Variants in CSTL1 observed in about 807,000 individuals in gnomAD.
The protein encoded by CSTL1 is cystatin-like 1.
Under a neutral mutation model 14.4 loss-of-function variants are expected in CSTL1, and 14 were observed. That is an observed-to-expected ratio of 0.97 (90% CI 0.64 to 1.52). The LOEUF (loss-of-function observed/expected upper bound fraction) is 1.52, where lower values mean the gene tolerates loss of function less well. Among genes scored for constraint, CSTL1 ranks in the 40% most tolerant of loss-of-function variants. CSTL1 has a pLI of 0.00. For synonymous variants in CSTL1, 72 were observed against 67.5 expected, an observed-to-expected ratio of 1.07 and a Z score of -0.33; for missense variants, 170 against 168.7, an observed-to-expected ratio of 1.01 and a Z score of -0.04.
At chr20:23,452,555 T>C in the CSTL1 span, 8 of 1,439,526 alleles carry the variant, frequency 5.6e-6, no homozygotes, top group African/African-American at 9.8e-5. Flanking sequence ...GTATCAGGCC[T>C]GGGGAGAGGC....
At chr20:23,441,633 T>C (rs919424824) in intron 2 of CSTL1, among the ~76,000 whole-genome samples, 4 of 152,222 alleles carry the variant, frequency 2.6e-5, no homozygotes, top group African/African-American at 9.7e-5. Flanking sequence ...AAATGCTATG[T>C]AGATAATTAT....
intron 2 of CSTL1, among the ~76,000 whole-genome samples, chr20:23,442,822 G>A (rs1292052021): frequency 1.3e-5 from 2 of 152,200 alleles, no homozygotes; most frequent in Non-Finnish European, 2.9e-5. Flanking sequence ...CAAGGCAACA[G>A]GGAGCTTCCC....
At chr20:23,460,341 G>A in the CSTL1 span, among the ~76,000 whole-genome samples, 4 of 152,200 alleles carry the variant, frequency 2.6e-5, no homozygotes, top group Admixed American at 6.5e-5. Context: ...GCATTCAGAA[G>A]TATCCTTTGT....
chr20:23,457,005 A>C, the CSTL1 span, among the ~76,000 whole-genome samples: 2 of 152,170 alleles, frequency 1.3e-5, no homozygotes, highest in Non-Finnish European at 2.9e-5. Context: ...TTTTGCCCAC[A>C]AGGTAACAAG....
the CSTL1 span, chr20:23,452,639 T>C: frequency 1.2e-6 from 2 of 1,614,144 alleles, no homozygotes; most frequent in Non-Finnish European, 1.7e-6. Flanking sequence ...GTCATCACTT[T>C]CCTTGTTATA....
intron 3 of CSTL1, 58 bp from the exon 4 acceptor site, chr20:23,444,713 T>C (rs1986927323): frequency 8.6e-7 from 1 of 1,162,174 alleles, no homozygotes; most frequent in East Asian, 2.4e-5. Context: ...AACAGGTGCC[T>C]GTTGCTTGCC....
In CSTL1 at chr20:23,444,181, G is replaced by T. The variant is rs558674168; in HGVS notation, c.330+137G>T. The T allele has an allele frequency of 1.3e-5, 9 of 696,932 alleles. No homozygotes were observed. In the South Asian group the frequency reaches 1.4e-4, roughly 11 times the overall value. The allele number at this position is 696,932 out of a possible 1,614,324, so 43.2% of individuals were successfully genotyped here. ...GCCCTGGGGCTGTCTGGCACCTCCTGAGGCACCTGGGTGAAGGAGGGAGGC... is the reference window on the plus strand; with the variant it reads ...GCCCTGGGGCTGTCTGGCACCTCCTTAGGCACCTGGGTGAAGGAGGGAGGC... On this transcript the variant is annotated intron_variant, in intron 3 of 3. Coordinates refer to ENST00000347397, the MANE Select transcript of CSTL1 (RefSeq NM_138283.1).
the CSTL1 span, chr20:23,452,006 C>T: frequency 1.7e-5 from 16 of 925,892 alleles, no homozygotes; most frequent in East Asian, 7.4e-5. Context: ...CGCTACCCCA[C>T]GTCCAAGGGC....
downstream of CSTL1, among the ~76,000 whole-genome samples, chr20:23,449,728 T>C (rs1041796319): frequency 6.6e-6 from 1 of 152,186 alleles, no homozygotes; most frequent in Non-Finnish European, 1.5e-5. Flanking sequence ...TCCTGGCTTC[T>C]CCCTGTCCTC....
At chr20:23,450,741 G>A in the CSTL1 span, 1 of 515,512 alleles carries the variant, frequency 1.9e-6, no homozygotes, top group East Asian at 2.9e-5. Context: ...ACATTTTCTG[G>A]AATGATCCCA....
the CSTL1 span, among the ~76,000 whole-genome samples, chr20:23,453,642 C>A: frequency 6.6e-6 from 1 of 152,104 alleles, no homozygotes; most frequent in Non-Finnish European, 1.5e-5. Flanking sequence ...CGGTTATGTT[C>A]GATTCCTAGA....
the CSTL1 span, among the ~76,000 whole-genome samples, chr20:23,459,869 T>G: frequency 6.6e-6 from 1 of 152,234 alleles, no homozygotes; most frequent in Admixed American, 6.5e-5. Context: ...TCCAGACTCC[T>G]GTAATATCCT....
chr20:23,445,011 T>G, downstream of CSTL1: 1 of 679,588 alleles, frequency 1.5e-6, no homozygotes, highest in Non-Finnish European at 2.7e-6. Flanking sequence ...CACTTGCACA[T>G]ACTTACCTTC....
At chr20:23,450,561 G>A in the CSTL1 span, 1 of 1,610,842 alleles carries the variant, frequency 6.2e-7, no homozygotes, top group Non-Finnish European at 8.5e-7. Context: ...CCAGGGTACA[G>A]CAAACACTGA....
chr20:23,440,738 T>G (rs1986809873), intron 2 of CSTL1: 2 of 578,836 alleles, frequency 3.5e-6, no homozygotes, highest in Admixed American at 2.7e-5. Context: ...GGCAAAAGTG[T>G]TCACTGAGGA....
Position 23,440,000 on chromosome 20 carries a change from G to A in CSTL1, c.-124-144G>A, listed in dbSNP as rs529233831. On this transcript the variant is annotated intron_variant, in intron 1 of 3. Coordinates refer to ENST00000347397, the MANE Select transcript of CSTL1 (RefSeq NM_138283.1). ...CCTGAGACATGTGAAGGCAGGGAGA[G>A]GGGCTTGCACGCCTTAGCAGGTGTT... 7.6e-4 allele frequency: 354 copies of A among 468,032 alleles called. 3 individuals carry two copies. Among genetic ancestry groups the A allele is most frequent in the South Asian group, 7.5e-3 (338 of 44,792 alleles). The allele number at this position is 468,032 out of a possible 1,614,324, so 29.0% of individuals were successfully genotyped here. A position where few individuals can be genotyped will look rare whatever the true frequency, so the allele number is the denominator to read the frequency against.
At chr20:23,446,613 A>G (rs759835866), downstream of CSTL1, among the ~76,000 whole-genome samples, 3 of 152,216 alleles carry the variant, frequency 2.0e-5, no homozygotes, top group Non-Finnish European at 4.4e-5. Context: ...TCATTTCTGC[A>G]CACTGAGTCA....
At chr20:23,456,783 A>G in the CSTL1 span, among the ~76,000 whole-genome samples, 61 of 152,256 alleles carry the variant, frequency 4.0e-4, no homozygotes, top group South Asian at 9.5e-3. Context: ...TTCAGCTGCC[A>G]GCATTGCTTG....
downstream of CSTL1, among the ~76,000 whole-genome samples, chr20:23,448,496 T>C (rs938428325): frequency 5.3e-5 from 8 of 152,190 alleles, no homozygotes; most frequent in Non-Finnish European, 1.0e-4. Flanking sequence ...GGCTTCCTAA[T>C]TGTGATATTT....
Sources: gnomAD v4.1 joint callset for allele counts (sites outside exome capture counted in the v4.1 genomes callset) on GRCh38, gnomAD v4.1.1 for gene constraint, MANE v1.5 for transcripts, NCBI Gene and HGNC (gene_info 2026-07-23, HGNC 2026-07-21) for gene names.